The following LHFPL3 variants were observed in gnomAD, a reference collection of about 807,000 sequenced individuals.
LHFPL3 encodes LHFPL tetraspan subfamily member 3 protein.
Under a neutral mutation model 19.3 loss-of-function variants are expected in LHFPL3, and 5 were observed. The observed-to-expected ratio is 0.26, with a 90% CI of 0.14 to 0.54. LHFPL3 has a LOEUF of 0.54. Among genes scored for constraint, LHFPL3 ranks in the 20% least tolerant of loss-of-function variants. The probability of loss-of-function intolerance (pLI) is 0.94; values close to 1 mark genes in which losing one functional copy is unlikely to be tolerated. For synonymous variants in LHFPL3, 133 were observed against 126.2 expected (o/e 1.05, Z -0.36); for missense variants, 249 against 307.4 (o/e 0.81, Z 1.42).
chr7:104,689,991 T>G (rs1236333384), intron 1 of LHFPL3, among the ~76,000 whole-genome samples: 1 of 150,562 alleles, frequency 6.6e-6, no homozygotes, highest in East Asian at 2.0e-4. Context: ...TGGATGCCAT[T>G]AGAGCTGCCT....
intron 1 of LHFPL3, among the ~76,000 whole-genome samples, chr7:104,699,345 T>G (rs28647926): frequency 0.082 from 12,486 of 152,284 alleles, 541 homozygotes; most frequent in African/African-American, 0.11. Flanking sequence ...TATTAGCCTT[T>G]AAAAAGAAGG....
Position 104,328,945 on chromosome 7 carries a change from A to T in LHFPL3, c.166A>T (p.Ile56Phe), listed in dbSNP as rs772198183. 5.9e-5 allele frequency: 95 copies of T among 1,614,032 alleles called. No individual in the cohort carries two copies. Among genetic ancestry groups the T allele is most frequent in the Middle Eastern group, 3.3e-4 (2 of 6,084 alleles). Residue 56 changes from isoleucine (I) to phenylalanine (F), a missense_variant, in exon 1 of 3, where the codon ATC (isoleucine) becomes TTC (phenylalanine). Coordinates refer to ENST00000424859, the MANE Select transcript of LHFPL3 (RefSeq NM_199000.3). The surrounding 1 kb of genome is among the most constrained non-coding windows in gnomAD (Gnocchi z 4.6). ...CFAIVNVVCF[I>F]QPYWIGDGVD... Reference sequence around the variant, plus strand: ...TGCCATCGTCAACGTGGTGTGCTTCATCCAGCCCTACTGGATAGGCGACGG... The same window carrying T: ...TGCCATCGTCAACGTGGTGTGCTTCTTCCAGCCCTACTGGATAGGCGACGG...
chr7:104,739,362 G>A (rs1562978273), intron 2 of LHFPL3, among the ~76,000 whole-genome samples: 1 of 152,168 alleles, frequency 6.6e-6, no homozygotes, highest in Non-Finnish European at 1.5e-5. Context: ...TTGTATGTGT[G>A]AATATAGTTT....
intron 1 of LHFPL3, among the ~76,000 whole-genome samples, chr7:104,481,598 G>C (rs1584349995): frequency 6.6e-6 from 1 of 151,952 alleles, no homozygotes; most frequent in African/African-American, 2.4e-5. Flanking sequence ...ATCCCGGGAG[G>C]ATATTAACAC....
At position 104,881,556 on chromosome 7, in the gene LHFPL3, G is replaced by A. The variant is rs117817340; in HGVS notation, c.683-24631G>A. On this transcript the variant is annotated intron_variant, in intron 2 of 2. Coordinates refer to ENST00000424859, the MANE Select transcript of LHFPL3 (RefSeq NM_199000.3). ...TCATGATAAAATTCAAATACATGAG[G>A]AGTTGCTTCTTATGAATGAACAAAG... 9.9e-3 allele frequency among the ~76,000 whole-genome samples: 1,515 copies of A among 152,292 alleles called. 11 individuals are homozygous for A. Among genetic ancestry groups the A allele is most frequent in the Non-Finnish European group, 0.016 (1,073 of 68,034 alleles).
chr7:104,842,165 A>T (rs992445455), intron 2 of LHFPL3, among the ~76,000 whole-genome samples: 1 of 138,890 alleles, frequency 7.2e-6, no homozygotes, highest in Non-Finnish European at 1.5e-5. Context: ...CAACCTCCTC[A>T]CACACACACA....
intron 1 of LHFPL3, among the ~76,000 whole-genome samples, chr7:104,682,993 C>T (rs1046037036): frequency 6.6e-6 from 1 of 152,010 alleles, no homozygotes; most frequent in Non-Finnish European, 1.5e-5. Flanking sequence ...TTTTTAATTA[C>T]TATTTTTTTT....
intron 1 of LHFPL3, among the ~76,000 whole-genome samples, chr7:104,712,061 A>C (rs1793308621): frequency 6.6e-6 from 1 of 152,238 alleles, no homozygotes; most frequent in Non-Finnish European, 1.5e-5. Context: ...TTGCAATTAA[A>C]GTGGCTAATC....
intron 2 of LHFPL3, among the ~76,000 whole-genome samples, chr7:104,798,815 G>T (rs1790185638): frequency 6.6e-6 from 1 of 151,920 alleles, no homozygotes; most frequent in South Asian, 2.1e-4. Context: ...CTTCTTTAAA[G>T]AACATTTTTA....
At chr7:104,410,908 A>G (rs371877980) in intron 1 of LHFPL3, among the ~76,000 whole-genome samples, 16 of 152,298 alleles carry the variant, frequency 1.1e-4, no homozygotes, top group African/African-American at 3.6e-4. Flanking sequence ...TGTGATTCCG[A>G]GTGATTTTCA....
intron 1 of LHFPL3, among the ~76,000 whole-genome samples, chr7:104,604,001 G>A (rs1016876496): frequency 1.3e-5 from 2 of 152,130 alleles, no homozygotes; most frequent in Admixed American, 1.3e-4. Flanking sequence ...TACAGTTCTC[G>A]TGTCTAAGGG....
chr7:104,610,642 A>G (rs2115746678), intron 1 of LHFPL3, among the ~76,000 whole-genome samples: 2 of 152,284 alleles, frequency 1.3e-5, no homozygotes, highest in South Asian at 4.1e-4. Flanking sequence ...TCAAGCAGAG[A>G]GAGAGAATTG....
chr7:104,849,215 G>T (rs1159170919), intron 2 of LHFPL3, among the ~76,000 whole-genome samples: 5 of 152,194 alleles, frequency 3.3e-5, no homozygotes, highest in Admixed American at 3.3e-4. Context: ...ACAGGTGTGA[G>T]CCACTGTGCC....
intron 1 of LHFPL3, among the ~76,000 whole-genome samples, chr7:104,647,671 T>C (rs745762084): frequency 6.6e-6 from 1 of 152,256 alleles, no homozygotes; most frequent in Admixed American, 6.5e-5. Flanking sequence ...GAATTTGTTT[T>C]AAAAACTTCA....
At chr7:104,897,647 G>GA (rs1792393076) in intron 2 of LHFPL3, among the ~76,000 whole-genome samples, 1 of 152,192 alleles carries the variant, frequency 6.6e-6, no homozygotes, top group Admixed American at 6.5e-5. Flanking sequence ...GTATTTAGAA[G>GA]AAAGGGGAAC....
chr7:104,590,748 A>G (rs542524696), intron 1 of LHFPL3, among the ~76,000 whole-genome samples: 1 of 152,160 alleles, frequency 6.6e-6, no homozygotes, highest in African/African-American at 2.4e-5. Flanking sequence ...TTGGGAGTCT[A>G]AGTCTCTTTG....
intron 2 of LHFPL3, among the ~76,000 whole-genome samples, chr7:104,754,080 T>C (rs1794234467): frequency 6.6e-6 from 1 of 152,104 alleles, no homozygotes; most frequent in African/African-American, 2.4e-5. Context: ...GGTGGGGAGT[T>C]GGAGGAAATC....
chr7:104,851,008 C>T (rs1791406183), intron 2 of LHFPL3, among the ~76,000 whole-genome samples: 1 of 152,190 alleles, frequency 6.6e-6, no homozygotes, highest in African/African-American at 2.4e-5. Context: ...ACAGATTCTG[C>T]TCTAGAAGGA....
chr7:104,590,817 T>C (rs929176349), intron 1 of LHFPL3, among the ~76,000 whole-genome samples: 1 of 152,224 alleles, frequency 6.6e-6, no homozygotes, highest in Non-Finnish European at 1.5e-5. Flanking sequence ...TGCCTATATA[T>C]TTAGGATAGT....
Sources: allele counts gnomAD v4.1 joint callset (sites outside exome capture counted in the v4.1 genomes callset), GRCh38; gene constraint gnomAD v4.1.1; non-coding constraint Gnocchi (gnomAD v3.1); transcripts MANE v1.5; gene names NCBI Gene and HGNC (gene_info 2026-07-23, HGNC 2026-07-21).